The following RANBP2 variants were observed in gnomAD, a reference collection of about 807,000 sequenced individuals.
RANBP2 encodes E3 SUMO-protein ligase RanBP2.
Under a neutral mutation model 303.6 loss-of-function variants are expected in RANBP2, and 57 were observed. The observed-to-expected ratio is 0.19, with a 90% confidence interval of 0.15 to 0.23. RANBP2 has a LOEUF of 0.23. Among genes scored for constraint, RANBP2 ranks in the 10% least tolerant of loss-of-function variants. RANBP2 has a pLI of 1.00. For missense variants in RANBP2, 3,138 were observed against 3,780.8 expected (o/e 0.83, Z 4.46); for synonymous variants, 1,167 against 1,301.5 (o/e 0.90, Z 2.23).
intron 6 of RANBP2, among the ~76,000 whole-genome samples, chr2:108,738,478 G>A (rs149803599): frequency 0.013 from 1,928 of 152,160 alleles, 50 homozygotes; most frequent in African/African-American, 0.045. Flanking sequence ...GCTTGCCTTG[G>A]CCTTCCAAAG....
At chr2:109,631,918 C>G in the RANBP2 span, among the ~76,000 whole-genome samples, 1 of 152,054 alleles carries the variant, frequency 6.6e-6, no homozygotes, top group African/African-American at 2.4e-5. Context: ...GAACCCTAGA[C>G]AGCCTCAAGA....
At chr2:109,201,227 A>C in the RANBP2 span, among the ~76,000 whole-genome samples, 1 of 152,316 alleles carries the variant, frequency 6.6e-6, no homozygotes, top group Middle Eastern at 3.4e-3. Flanking sequence ...CCTCTTCTGC[A>C]CTTAAAAACT....
In RANBP2 at chr2:108,772,781, T is replaced by TA; in HGVS notation, c.8114-87_8114-86insA. 4.3e-6 allele frequency: 6 copies of TA among 1,406,504 alleles called. No homozygotes were observed. The South Asian group carries it at 6.1e-5, about 14-fold the overall frequency. The allele number at this position is 1,406,504 out of a possible 1,614,324, so 87.1% of individuals were successfully genotyped here. On this transcript the variant is annotated intron_variant, in intron 22 of 28. Transcript: ENST00000283195. ...GTATGTACAGGTCTTGTTACCTGGGTCTGTGGATTATGTTGATGACTACCA... is the reference window on the plus strand; with the variant it reads ...GTATGTACAGGTCTTGTTACCTGGGTACTGTGGATTATGTTGATGACTACCA...
At chr2:109,376,210 G>A in the RANBP2 span, among the ~76,000 whole-genome samples, 1 of 152,258 alleles carries the variant, frequency 6.6e-6, no homozygotes, top group Non-Finnish European at 1.5e-5. Context: ...GGCCTGGTTA[G>A]CTGAATGGGT....
At chr2:109,764,553 T>C in the RANBP2 span, among the ~76,000 whole-genome samples, 1 of 149,916 alleles carries the variant, frequency 6.7e-6, no homozygotes, top group Non-Finnish European at 1.5e-5. Context: ...AGTGTTATTG[T>C]CAAATGAGGA....
chr2:109,316,230 C>T, the RANBP2 span, among the ~76,000 whole-genome samples: 19,173 of 152,172 alleles, frequency 0.13, 1,639 homozygotes, highest in East Asian at 0.39. Flanking sequence ...CTTCATCTCT[C>T]GCAGCAGATC....
At chr2:109,353,927 C>T in the RANBP2 span, among the ~76,000 whole-genome samples, 5 of 152,124 alleles carry the variant, frequency 3.3e-5, no homozygotes, top group Admixed American at 6.5e-5. Flanking sequence ...AGTTCAGATA[C>T]GTGAACACGA....
chr2:109,144,377 C>CA, the RANBP2 span, among the ~76,000 whole-genome samples: 155 of 152,200 alleles, frequency 1.0e-3, 1 homozygote, highest in African/African-American at 3.5e-3. Flanking sequence ...TTTTAAAAAA[C>CA]ACACAAAGCT....
the RANBP2 span, among the ~76,000 whole-genome samples, chr2:109,466,947 A>C: frequency 1.4e-5 from 2 of 140,296 alleles, no homozygotes; most frequent in African/African-American, 5.9e-5. Flanking sequence ...GTGTGTGTCT[A>C]TATATCTGTG....
the RANBP2 span, chr2:108,812,945 T>C: frequency 9.3e-6 from 15 of 1,609,478 alleles, no homozygotes; most frequent in Non-Finnish European, 1.3e-5. Flanking sequence ...TGAATTATGA[T>C]TTGATATGAT....
the RANBP2 span, among the ~76,000 whole-genome samples, chr2:108,804,432 G>A: frequency 6.6e-6 from 1 of 152,162 alleles, no homozygotes; most frequent in Non-Finnish European, 1.5e-5. Context: ...GCTGCTTTAT[G>A]AGGACAAGAA....
At chr2:109,243,063 C>T in the RANBP2 span, among the ~76,000 whole-genome samples, 9 of 152,154 alleles carry the variant, frequency 5.9e-5, no homozygotes, top group Non-Finnish European at 1.0e-4. Context: ...ACAATGAAAT[C>T]GGCTGTTCAT....
At chr2:109,033,178 C>T in the RANBP2 span, among the ~76,000 whole-genome samples, 25 of 152,188 alleles carry the variant, frequency 1.6e-4, no homozygotes, top group African/African-American at 5.3e-4. Flanking sequence ...ATAACAAAGC[C>T]CCTTTCAGGC....
chr2:109,052,097 G>T, the RANBP2 span, among the ~76,000 whole-genome samples: 13 of 152,194 alleles, frequency 8.5e-5, no homozygotes, highest in Non-Finnish European at 1.6e-4. Context: ...CAAATAATTG[G>T]TGTTTAACAA....
At chr2:109,109,825 T>G in the RANBP2 span, among the ~76,000 whole-genome samples, 2 of 152,202 alleles carry the variant, frequency 1.3e-5, no homozygotes, top group African/African-American at 4.8e-5. Flanking sequence ...CTTGGAATGA[T>G]TCTCACACTT....
the RANBP2 span, among the ~76,000 whole-genome samples, chr2:109,208,996 C>T: frequency 1.3e-5 from 2 of 151,766 alleles, no homozygotes; most frequent in African/African-American, 4.8e-5. Context: ...AGAGGCCCGA[C>T]ATCAACACGG....
chr2:108,798,627 C>A, the RANBP2 span: 1 of 1,465,542 alleles, frequency 6.8e-7, no homozygotes, highest in African/African-American at 1.4e-5. Flanking sequence ...TATATTTCTT[C>A]TTTTCTTCTT....
the RANBP2 span, among the ~76,000 whole-genome samples, chr2:109,164,260 G>A: frequency 1.3e-5 from 2 of 151,946 alleles, no homozygotes; most frequent in African/African-American, 2.4e-5. Flanking sequence ...ATAACTCACT[G>A]CGGCCTCGGC....
At chr2:108,789,712 G>A (rs113074599), downstream of RANBP2, among the ~76,000 whole-genome samples, 11 of 152,326 alleles carry the variant, frequency 7.2e-5, 1 homozygote, top group African/African-American at 2.4e-4. Context: ...GAGAGAGATT[G>A]AAGAAGGTGG....
Sources: allele counts gnomAD v4.1 joint callset (sites outside exome capture counted in the v4.1 genomes callset), GRCh38; gene constraint gnomAD v4.1.1; transcripts MANE v1.5; gene names NCBI Gene and HGNC (gene_info 2026-07-23, HGNC 2026-07-21).